ELP1: variants seen among roughly 807,000 people sequenced by gnomAD.
The protein encoded by ELP1 is elongator complex protein 1.
In ELP1, 131 loss-of-function variants were observed where a neutral mutation model predicts 183.2. That is an observed-to-expected ratio of 0.72 (90% CI 0.62 to 0.83). The LOEUF is 0.83. Ranked by LOEUF, ELP1 falls within the 40% of genes least tolerant of loss-of-function variation. The pLI is 0.00. For missense variants in ELP1, 1,550 were observed against 1,594.9 expected (o/e 0.97, Z 0.48); for synonymous variants, 555 against 569.0 (o/e 0.98, Z 0.35).
chr9:108,870,172 G>T (rs953920084), intron 36 of ELP1, among the ~76,000 whole-genome samples: 2 of 151,908 alleles, frequency 1.3e-5, no homozygotes, highest in South Asian at 2.1e-4. Flanking sequence ...TCACCATGCT[G>T]CCCAGGCTAC....
At position 108,867,730 on chromosome 9, in the gene ELP1, A is replaced by G. The variant is rs1422194019; in HGVS notation, c.*1385T>C. The G allele has an allele frequency of 6.6e-6, 1 of 152,268 alleles. No individual in the cohort carries two copies. The highest frequency in any genetic ancestry group is 1.5e-5 in the Non-Finnish European group (1 of 68,048). 9.4% of individuals were successfully genotyped at this position (152,268 alleles called of 1,614,324 possible). A position where few individuals can be genotyped will look rare whatever the true frequency, so the allele number is the denominator to read the frequency against. On this transcript the variant is annotated 3_prime_UTR_variant, in exon 37 of 37. Transcript: ENST00000374647. ...AAAGTAGATTTCTCCAAAGCAAAGT[A>G]TATCTTCTTTCTCTTCTTTTTAAAA...
In ELP1 at chr9:108,892,978, C is replaced by G; in HGVS notation, c.2958+8G>C. On this transcript the variant is annotated splice_region_variant and intron_variant, in intron 27 of 36. Coordinates refer to ENST00000374647, the MANE Select transcript of ELP1 (RefSeq NM_003640.5). ...ACCAGGAGAGCCTCATTTTCACATA[C>G]CACATACCTGGTACTGTTGTGAGCT... 2 of 1,602,868 alleles carry G rather than the reference C, an allele frequency of 1.2e-6. No individual in the cohort carries two copies. Among genetic ancestry groups the G allele is most frequent in the South Asian group, 1.1e-5 (1 of 90,876 alleles).
rs1414010099 is a variant in ELP1 at position 108,892,879 on chromosome 9, G to C, written c.2958+107C>G. 6.2e-6 allele frequency: 5 copies of C among 802,768 alleles called. No individual in the cohort carries two copies. The East Asian group carries it at 1.2e-4, about 20-fold the overall frequency. The allele number at this position is 802,768 out of a possible 1,614,324, so 49.7% of individuals were successfully genotyped here. ...TCAAATTGAGGCTAATTAGTTTTAA[G>C]ATAAATTTTGAAGCCAAGGATGGTG... is the stretch of plus-strand genomic sequence containing the variant. On this transcript the variant is annotated intron_variant, in intron 27 of 36. Transcript: ENST00000374647.
At chr9:108,912,236 C>T in intron 11 of ELP1, 28 bp downstream of exon 11, 1 of 1,571,188 alleles carries the variant, frequency 6.4e-7, no homozygotes, top group South Asian at 1.1e-5. Context: ...CCCTTGCAGG[C>T]TCATGGACAC....
In ELP1 at chr9:108,921,800, G is replaced by C. The variant is rs144087016; in HGVS notation, c.552+1042C>G. On this transcript the variant is annotated intron_variant, in intron 6 of 36. Coordinates refer to ENST00000374647, the MANE Select transcript of ELP1 (RefSeq NM_003640.5). ...CTATGCATATTTTACTCACAATAAA[G>C]TTGTTTTGAAATAAAAACTACGCTT... Among the ~76,000 whole-genome samples the C allele has an allele frequency of 2.0e-5, 3 of 152,288 alleles. No homozygotes were observed. The East Asian group carries it at 5.8e-4, about 29-fold the overall frequency.
At chr9:108,925,898 G>C (rs562986732) in intron 5 of ELP1, among the ~76,000 whole-genome samples, 36 of 152,320 alleles carry the variant, frequency 2.4e-4, no homozygotes, top group Middle Eastern at 6.8e-3. Context: ...TAAATGGGTA[G>C]AAGTTGTCTA....
intron 18 of ELP1, among the ~76,000 whole-genome samples, chr9:108,900,857 G>A (rs1348642029): frequency 0.022 from 302 of 13,728 alleles, 5 homozygotes; most frequent in African/African-American, 0.04. Flanking sequence ...ACACATACAC[G>A]CCACACACAC....
At chr9:108,895,530 A>C (rs946763750) in intron 25 of ELP1, among the ~76,000 whole-genome samples, 16 of 152,148 alleles carry the variant, frequency 1.1e-4, no homozygotes, top group South Asian at 2.1e-4. Flanking sequence ...TCTTTCCTCC[A>C]TGGGCAGAGG....
chr9:108,881,987 T>C, intron 30 of ELP1, 138 bp downstream of exon 30: 1 of 741,252 alleles, frequency 1.3e-6, no homozygotes, highest in Non-Finnish European at 2.3e-6. Flanking sequence ...AAACACCGCT[T>C]TTCCTTAAGC....
chr9:108,896,996 G>C lies in ELP1; in HGVS notation c.2544C>G (p.Thr848=), dbSNP rs568514698. The C allele has an allele frequency of 6.2e-7, 1 of 1,614,052 alleles. No individual in the cohort carries two copies. Among genetic ancestry groups the C allele is most frequent in the Non-Finnish European group, 8.5e-7 (1 of 1,179,972 alleles). Residue 848 remains threonine, a synonymous_variant, in exon 24 of 37, where the codon ACC becomes ACG. Transcript: ENST00000374647. ...TTTGCAGTACAATTTCCAGTTCTGGGGTTGTCTTCTTTACATGAGATGTAA... is the reference window on the plus strand; with the variant it reads ...TTTGCAGTACAATTTCCAGTTCTGGCGTTGTCTTCTTTACATGAGATGTAA... ...SILTSHVKKT[T]PELEIVLQKV... is the part of the protein sequence containing the mutation.
At chr9:108,929,711 G>T in intron 3 of ELP1, 58 bp downstream of exon 3, 1 of 1,565,562 alleles carries the variant, frequency 6.4e-7, no homozygotes, top group Non-Finnish European at 8.8e-7. Flanking sequence ...TCCACAAATA[G>T]CAAGTAACCT....
chr9:108,900,207 T>C lies in ELP1; in HGVS notation c.2130+53A>G. ...TACAACCTGCAAGAATTATGCTTGGTACTTGGCTGAATGACAATCAGACTA... is the reference window on the plus strand; with the variant it reads ...TACAACCTGCAAGAATTATGCTTGGCACTTGGCTGAATGACAATCAGACTA... On this transcript the variant is annotated intron_variant, in intron 19 of 36. Transcript: ENST00000374647. 3.3e-6 allele frequency: 4 copies of C among 1,217,394 alleles called. No homozygotes were observed. The South Asian group carries it at 3.6e-5, about 11-fold the overall frequency. 75.4% of individuals were successfully genotyped at this position (1,217,394 alleles called of 1,614,324 possible). A position where few individuals can be genotyped will look rare whatever the true frequency, so the allele number is the denominator to read the frequency against.
At chr9:108,888,336 C>A (rs1325032947) in intron 29 of ELP1, among the ~76,000 whole-genome samples, 5 of 152,154 alleles carry the variant, frequency 3.3e-5, no homozygotes, top group Non-Finnish European at 7.3e-5. Flanking sequence ...GGTTACACAG[C>A]TACAAACATA....
intron 31 of ELP1, among the ~76,000 whole-genome samples, chr9:108,880,464 A>T (rs1827884292): frequency 6.6e-6 from 1 of 151,468 alleles, no homozygotes; most frequent in African/African-American, 2.4e-5. Context: ...CAAACAAAAC[A>T]AACAAACAAA....
intron 36 of ELP1, among the ~76,000 whole-genome samples, chr9:108,870,424 TA>T (rs1359851448): frequency 6.6e-6 from 1 of 152,200 alleles, no homozygotes; most frequent in African/African-American, 2.4e-5. Flanking sequence ...AAGAAAATAT[TA>T]AGAAAATCAT....
rs1198624688 is a variant in ELP1 at position 108,879,528 on chromosome 9, C to A, written c.3490G>T (p.Asp1164Tyr). The stretch of plus-strand genomic sequence containing the variant: ...ACACTGCTAGTTTCAGAGAAGAGGT[C>A]TGACTCTTGCCCGTGGGGTACCTCA... ...DDEVPHGQES[D>Y]LFSETSSVVS... The change falls in exon 33 of 37, where the codon GAC (aspartate) becomes TAC (tyrosine). Residue 1164 changes from aspartate (D) to tyrosine (Y), a missense_variant. Asp to Tyr is a radical substitution (Grantham distance 160). Coordinates refer to ENST00000374647, the MANE Select transcript of ELP1 (RefSeq NM_003640.5). The A allele has an allele frequency of 1.2e-6, 2 of 1,613,998 alleles. No homozygotes were observed. Among genetic ancestry groups the A allele is most frequent in the African/African-American group, 2.7e-5 (2 of 74,926 alleles).
chr9:108,887,570 C>T (rs1336537883), intron 29 of ELP1, among the ~76,000 whole-genome samples: 1 of 152,114 alleles, frequency 6.6e-6, no homozygotes, highest in Non-Finnish European at 1.5e-5. Flanking sequence ...AGTAATAAAA[C>T]ATTAGAAAAT....
chr9:108,901,335 G>A, intron 18 of ELP1, 90 bp downstream of exon 18: 1 of 943,980 alleles, frequency 1.1e-6, no homozygotes, highest in Non-Finnish European at 1.7e-6. Flanking sequence ...TTGATAAAAA[G>A]CCAAAATAAA....
At chr9:108,889,076 T>A (rs951896391) in intron 29 of ELP1, among the ~76,000 whole-genome samples, 2 of 152,232 alleles carry the variant, frequency 1.3e-5, no homozygotes, top group African/African-American at 4.8e-5. Flanking sequence ...CCTTGAGATG[T>A]AATTAAGTAC....
Sources: gnomAD v4.1 joint callset for allele counts (sites outside exome capture counted in the v4.1 genomes callset) on GRCh38, gnomAD v4.1.1 for gene constraint, MANE v1.5 for transcripts, NCBI Gene and HGNC (gene_info 2026-07-23, HGNC 2026-07-21) for gene names.